The following HCLS1 variants were observed in gnomAD, a reference collection of about 807,000 sequenced individuals.
The protein encoded by HCLS1 is hematopoietic cell-specific Lyn substrate 1.
Under a neutral mutation model 68.6 loss-of-function variants are expected in HCLS1, and 44 were observed. The observed-to-expected ratio is 0.64, with a 90% CI of 0.50 to 0.82. The LOEUF (loss-of-function observed/expected upper bound fraction) is 0.82. Ranked by LOEUF, HCLS1 falls within the 40% of genes least tolerant of loss-of-function variation. The pLI is 0.00. For missense variants in HCLS1, 602 were observed against 612.1 expected (o/e 0.98, Z 0.17); for synonymous variants, 217 against 225.8 (o/e 0.96, Z 0.35).
intron 6 of HCLS1, among the ~76,000 whole-genome samples, chr3:121,640,665 C>G (rs556734389): frequency 6.0e-4 from 91 of 151,666 alleles, no homozygotes; most frequent in Admixed American, 5.8e-3. Context: ...TGGCTCATGC[C>G]TGTAATCCCA....
intron 6 of HCLS1, among the ~76,000 whole-genome samples, chr3:121,638,568 A>T (rs774386250): frequency 6.6e-6 from 1 of 152,148 alleles, no homozygotes; most frequent in Non-Finnish European, 1.5e-5. Flanking sequence ...ATAGGGGGAA[A>T]ATTTGCTTAT....
chr3:121,647,279 C>T (rs1436346266), intron 4 of HCLS1, 40 bp downstream of exon 4: 1 of 1,610,368 alleles, frequency 6.2e-7, no homozygotes, highest in Admixed American at 1.7e-5. Flanking sequence ...CCGCACCCGG[C>T]TTGTATTTTT....
intron 5 of HCLS1, chr3:121,644,483 T>C (rs1386664714): frequency 2.6e-6 from 1 of 386,578 alleles, no homozygotes; most frequent in Non-Finnish European, 5.0e-6. Context: ...TATAAGGTTT[T>C]GATGTTAAGC....
intron 6 of HCLS1, 59 bp from the exon 7 acceptor site, chr3:121,637,315 G>T: frequency 8.6e-7 from 1 of 1,161,582 alleles, no homozygotes; most frequent in Non-Finnish European, 1.3e-6. Flanking sequence ...ACAGGGAAGC[G>T]CTGGAGAAGA....
chr3:121,660,530 A>T (rs1937968839), intron 1 of HCLS1, among the ~76,000 whole-genome samples: 1 of 152,068 alleles, frequency 6.6e-6, no homozygotes, highest in African/African-American at 2.4e-5. Context: ...CCTAGGGGAG[A>T]CAGGCCTTAG....
intron 3 of HCLS1, among the ~76,000 whole-genome samples, chr3:121,648,463 C>T (rs1937658771): frequency 6.6e-6 from 1 of 152,152 alleles, no homozygotes; most frequent in Admixed American, 6.5e-5. Context: ...TATTTGGACA[C>T]ATATAAGGAT....
At chr3:121,645,000 T>C in intron 4 of HCLS1, 72 bp from the exon 5 acceptor site, 1 of 1,161,606 alleles carries the variant, frequency 8.6e-7, no homozygotes, top group South Asian at 1.2e-5. Context: ...AGATATGGAG[T>C]GGGATGTAGG....
intron 6 of HCLS1, among the ~76,000 whole-genome samples, chr3:121,638,636 T>C (rs1576462471): frequency 2.0e-5 from 3 of 152,312 alleles, no homozygotes; most frequent in Middle Eastern, 3.4e-3. Flanking sequence ...ACATTTTTTT[T>C]CCACTTATGT....
intron 3 of HCLS1, among the ~76,000 whole-genome samples, chr3:121,652,343 T>C (rs756659066): frequency 2.6e-5 from 4 of 152,186 alleles, no homozygotes; most frequent in Non-Finnish European, 5.9e-5. Context: ...TTGCTTATAA[T>C]GATTAGGTAT....
chr3:121,643,063 GC>G, intron 5 of HCLS1, 82 bp from the exon 6 acceptor site: 1 of 1,118,524 alleles, frequency 8.9e-7, no homozygotes, highest in Non-Finnish European at 1.4e-6. Context: ...CTCCCAGCCA[GC>G]CCCAGAGGTA....
chr3:121,642,494 A>C (rs2049210548), intron 6 of HCLS1, among the ~76,000 whole-genome samples: 1 of 151,832 alleles, frequency 6.6e-6, no homozygotes, highest in Non-Finnish European at 1.5e-5. Context: ...TATGTAAAAT[A>C]GCGGTGGGTG....
At position 121,642,966 on chromosome 3, in the gene HCLS1, C is replaced by T; in HGVS notation, c.415G>A (p.Asp139Asn). The T allele has an allele frequency of 6.2e-7, 1 of 1,613,186 alleles. No homozygotes were observed. The highest frequency in any genetic ancestry group is 8.5e-7 in the Non-Finnish European group (1 of 1,179,252). Residue 139 changes from aspartate to asparagine, a missense_variant, in exon 6 of 14, where the codon GAT becomes AAT. Asp to Asn is a conservative substitution (Grantham distance 23). Coordinates refer to ENST00000314583, the MANE Select transcript of HCLS1 (RefSeq NM_005335.6). The stretch of plus-strand genomic sequence containing the variant: ...TGCTTCTCCACTTCTCCTTTATAAT[C>T]AAAGCCGACTGCTGACTACAGAGAA... ...DRADKSAVGF[D>N]YKGEVEKHTS... is the part of the protein sequence containing the mutation.
chr3:121,632,476 G>A lies in HCLS1; in HGVS notation c.1096C>T (p.Pro366Ser), dbSNP rs775036654. The A allele has an allele frequency of 3.7e-6, 6 of 1,613,624 alleles. No individual in the cohort carries two copies. In the Admixed American group the frequency reaches 1.0e-4, roughly 27 times the overall value. Residue 366 changes from proline to serine, a missense_variant, in exon 12 of 14, where the codon CCT becomes TCT. Physicochemically the swap from Pro to Ser is moderately conservative, Grantham distance 74. Transcript: ENST00000314583. ...GGCTCGGGCTCAGGCTCGGGCTCAG[G>A]CTCAGGCTCTGCTTCGTACACTGGC... Reference protein sequence around the residue: ...EEPVYEAEPEPEPEPEPEPEN... With the variant: ...EEPVYEAEPESEPEPEPEPEN...
At chr3:121,646,024 T>G (rs1215620643) in intron 4 of HCLS1, among the ~76,000 whole-genome samples, 1 of 131,616 alleles carries the variant, frequency 7.6e-6, no homozygotes, top group Non-Finnish European at 1.5e-5. Flanking sequence ...AATAATTATA[T>G]AAGTATATAA....
At position 121,632,573 on chromosome 3, in the gene HCLS1, G is replaced by C; in HGVS notation, c.1009-10C>G. ...GGGGCTCCTCATTGTCCTGAGAAGAGACAGTGTGGAGCACTGTGACTTCCA... is the reference window on the plus strand; with the variant it reads ...GGGGCTCCTCATTGTCCTGAGAAGACACAGTGTGGAGCACTGTGACTTCCA... On this transcript the variant is annotated splice_polypyrimidine_tract_variant and intron_variant, in intron 11 of 13. Coordinates refer to ENST00000314583, the MANE Select transcript of HCLS1 (RefSeq NM_005335.6). The C allele has an allele frequency of 6.2e-7, 1 of 1,607,876 alleles. No homozygotes were observed. Among genetic ancestry groups the C allele is most frequent in the South Asian group, 1.1e-5 (1 of 91,006 alleles).
intron 6 of HCLS1, among the ~76,000 whole-genome samples, chr3:121,640,132 GAATTTATGCCA>G (rs1052420452): frequency 5.1e-4 from 77 of 152,130 alleles, no homozygotes; most frequent in African/African-American, 1.8e-3. Context: ...TATTATAAAT[GAATTTATGCCA>G]ATAAACCTGA....
Position 121,634,347 on chromosome 3 carries a change from C to T in HCLS1, c.763G>A (p.Glu255Lys). Reference protein sequence around the residue: ...MAEEKRKREEEEKAQQVARRQ... With the variant: ...MAEEKRKREEKEKAQQVARRQ... ...CTGGCCACCTGCTGTGCCTTCTCCT[C>T]TTCCTCTCGCTTCCTCTTCTCCTCA... The change falls in exon 10 of 14, where the codon GAG becomes AAG. Residue 255 changes from glutamate (E) to lysine (K), a missense_variant. By Grantham distance (56) the Glu-to-Lys change is moderately conservative (BLOSUM62 1). Coordinates refer to ENST00000314583, the MANE Select transcript of HCLS1 (RefSeq NM_005335.6). 3.7e-6 allele frequency: 6 copies of T among 1,614,152 alleles called. No individual in the cohort carries two copies. The highest frequency in any genetic ancestry group is 5.1e-6 in the Non-Finnish European group (6 of 1,179,980).
intron 6 of HCLS1, among the ~76,000 whole-genome samples, chr3:121,641,927 A>G (rs1471592341): frequency 6.6e-6 from 1 of 151,010 alleles, no homozygotes; most frequent in Non-Finnish European, 1.5e-5. Context: ...TAAAAATACA[A>G]AAATTAGCCC....
Position 121,632,349 on chromosome 3 carries a change from AAAG to A in HCLS1, c.1220_1222del (p.Ser407del), listed in dbSNP as rs1343124013. The A allele has an allele frequency of 1.2e-6, 2 of 1,614,018 alleles. No homozygotes were observed. The highest frequency in any genetic ancestry group is 1.7e-5 in the Admixed American group (1 of 59,996). ...TCACTCACCAGCCAGAGCAGAAGAA[AAAG>A]AAGAATCTTCAGGCTCGAGCACCTC... On this transcript the variant is annotated inframe_deletion, in exon 12 of 14. Transcript: ENST00000314583.
Sources: allele counts gnomAD v4.1 joint callset (sites outside exome capture counted in the v4.1 genomes callset), GRCh38; gene constraint gnomAD v4.1.1; transcripts MANE v1.5; gene names NCBI Gene and HGNC (gene_info 2026-07-23, HGNC 2026-07-21).